DOK6: variants seen among roughly 807,000 people sequenced by gnomAD.
DOK6 encodes the protein downstream of tyrosine kinase 6.
In DOK6, 22 loss-of-function variants were observed where a neutral mutation model predicts 44.0. That is an observed-to-expected ratio of 0.50 (90% CI 0.36 to 0.71). DOK6 has a LOEUF of 0.71. Ranked by LOEUF, DOK6 falls within the 30% of genes least tolerant of loss-of-function variation. The pLI, the probability that DOK6 is intolerant of heterozygous loss-of-function variation, is 0.00. For missense variants in DOK6, 340 were observed against 416.4 expected, an observed-to-expected ratio of 0.82 and a Z score of 1.60; for synonymous variants, 166 against 145.5, an observed-to-expected ratio of 1.14 and a Z score of -1.01.
chr18:69,706,086 C>T (rs527355684), intron 5 of DOK6, among the ~76,000 whole-genome samples: 35 of 152,300 alleles, frequency 2.3e-4, no homozygotes, highest in South Asian at 1.0e-3. Context: ...GTCACACATG[C>T]CTCATCCTTG....
At position 69,466,404 on chromosome 18, in the gene DOK6, C is replaced by T. The variant is rs145145629; in HGVS notation, c.66+65094C>T. Among the ~76,000 whole-genome samples the T allele has an allele frequency of 1.4e-3, 218 of 152,062 alleles. 1 individual carries two copies. The highest frequency in any genetic ancestry group is 5.1e-3 in the African/African-American group (212 of 41,482). The stretch of plus-strand genomic sequence containing the variant: ...ACATCTATACTGCATTTTCATTATC[C>T]GTTCTTTCATCAATGAACACAAAGA... On this transcript the variant is annotated intron_variant, in intron 1 of 7. Coordinates refer to ENST00000382713, the MANE Select transcript of DOK6 (RefSeq NM_152721.6).
At chr18:69,757,274 C>T (rs1323131078) in intron 6 of DOK6, among the ~76,000 whole-genome samples, 1 of 151,984 alleles carries the variant, frequency 6.6e-6, no homozygotes, top group Non-Finnish European at 1.5e-5. Flanking sequence ...AAATGTTTAG[C>T]GATTGAAATG....
chr18:69,445,553 G>A (rs571116364), intron 1 of DOK6, among the ~76,000 whole-genome samples: 1 of 152,114 alleles, frequency 6.6e-6, no homozygotes, highest in East Asian at 1.9e-4. Context: ...TTTAATCGAG[G>A]TCATCATATA....
intron 7 of DOK6, among the ~76,000 whole-genome samples, chr18:69,818,786 C>T (rs937420584): frequency 2.9e-4 from 44 of 152,136 alleles, no homozygotes; most frequent in Admixed American, 2.1e-3. Context: ...ACTGGAGCCA[C>T]GTAGAGATGA....
At chr18:69,518,775 A>G (rs1981604914) in intron 1 of DOK6, among the ~76,000 whole-genome samples, 1 of 152,178 alleles carries the variant, frequency 6.6e-6, no homozygotes. Context: ...TGCTATGTAA[A>G]AGGAACATAT....
chr18:69,611,115 T>C (rs997939475), intron 3 of DOK6, among the ~76,000 whole-genome samples: 6 of 151,886 alleles, frequency 4.0e-5, no homozygotes, highest in Admixed American at 2.0e-4. Flanking sequence ...GAAGATAAAA[T>C]GAGCAAAAGA....
In DOK6 at chr18:69,841,448, C is replaced by A; in HGVS notation, c.*65C>A. On this transcript the variant is annotated 3_prime_UTR_variant, in exon 8 of 8. Coordinates refer to ENST00000382713, the MANE Select transcript of DOK6 (RefSeq NM_152721.6). ...CTGGACCCGTCTGTGGGGTCATTACCCTCTGCCTCCTGGAAGACCAATTGC... is the reference window on the plus strand; with the variant it reads ...CTGGACCCGTCTGTGGGGTCATTACACTCTGCCTCCTGGAAGACCAATTGC... 1 of 1,590,680 alleles carries A rather than the reference C, an allele frequency of 6.3e-7. No homozygotes were observed. Among genetic ancestry groups the A allele is most frequent in the Non-Finnish European group, 8.6e-7 (1 of 1,165,672 alleles).
chr18:69,407,362 T>C (rs1916224616), intron 1 of DOK6, among the ~76,000 whole-genome samples: 1 of 152,210 alleles, frequency 6.6e-6, no homozygotes, highest in African/African-American at 2.4e-5. Context: ...AGTGCTGGTT[T>C]TGAGGAAGAC....
chr18:69,820,902 G>T (rs1441772151), intron 7 of DOK6, among the ~76,000 whole-genome samples: 2 of 152,090 alleles, frequency 1.3e-5, no homozygotes, highest in Non-Finnish European at 2.9e-5. Context: ...GAAGGATAGA[G>T]GGTGGGAGAA....
chr18:69,567,772 G>C (rs866762700), intron 2 of DOK6, among the ~76,000 whole-genome samples: 1 of 152,202 alleles, frequency 6.6e-6, no homozygotes, highest in Non-Finnish European at 1.5e-5. Flanking sequence ...TGAGTGGTTG[G>C]GGGTAGGGAG....
At chr18:69,806,513 C>T (rs1352723702) in intron 7 of DOK6, among the ~76,000 whole-genome samples, 1 of 151,878 alleles carries the variant, frequency 6.6e-6, no homozygotes, top group Admixed American at 6.6e-5. Flanking sequence ...TTATTTCCCT[C>T]AGAACTCATG....
At chr18:69,414,145 T>C (rs1007135986) in intron 1 of DOK6, among the ~76,000 whole-genome samples, 8 of 152,006 alleles carry the variant, frequency 5.3e-5, no homozygotes, top group African/African-American at 1.7e-4. Flanking sequence ...CTGGCGGGAA[T>C]ATAAAATGGT....
In DOK6 at chr18:69,791,543, G is replaced by A. The variant is rs566945015; in HGVS notation, c.856+33670G>A. 5.9e-5 allele frequency among the ~76,000 whole-genome samples: 9 copies of A among 152,184 alleles called. No homozygotes were observed. In the South Asian group the frequency reaches 1.2e-3, roughly 21 times the overall value. The stretch of plus-strand genomic sequence containing the variant: ...CTTTTCATACACCTGTTTGCCATTC[G>A]TATGTCTTCTTTCGAGAAATGTCTA... On this transcript the variant is annotated intron_variant, in intron 7 of 7. Coordinates refer to ENST00000382713, the MANE Select transcript of DOK6 (RefSeq NM_152721.6).
At chr18:69,467,177 G>T (rs1237372204) in intron 1 of DOK6, among the ~76,000 whole-genome samples, 1 of 152,036 alleles carries the variant, frequency 6.6e-6, no homozygotes, top group Non-Finnish European at 1.5e-5. Flanking sequence ...ATAAGATTAA[G>T]AAATGACTGA....
At chr18:69,526,258 C>A (rs1204765875) in intron 1 of DOK6, among the ~76,000 whole-genome samples, 1 of 152,042 alleles carries the variant, frequency 6.6e-6, no homozygotes, top group Non-Finnish European at 1.5e-5. Flanking sequence ...CTCCCCTAAC[C>A]CTAGGCAACC....
chr18:69,741,495 T>C (rs956570391), intron 6 of DOK6, among the ~76,000 whole-genome samples: 7 of 152,102 alleles, frequency 4.6e-5, no homozygotes. Flanking sequence ...ACAAAACTTT[T>C]CTTTGTTGCT....
chr18:69,537,115 C>T (rs1316536809), intron 1 of DOK6, among the ~76,000 whole-genome samples: 2 of 151,872 alleles, frequency 1.3e-5, no homozygotes, highest in Non-Finnish European at 2.9e-5. Context: ...GGATTATAAG[C>T]GTGAGCCACC....
chr18:69,768,383 C>T (rs566521869), intron 7 of DOK6, among the ~76,000 whole-genome samples: 1 of 151,952 alleles, frequency 6.6e-6, no homozygotes, highest in South Asian at 2.1e-4. Flanking sequence ...TATGGCTTCT[C>T]ATATACTTCC....
chr18:69,437,907 G>A lies in DOK6; in HGVS notation c.66+36597G>A, dbSNP rs113441792. Among the ~76,000 whole-genome samples the A allele has an allele frequency of 5.3e-3, 804 of 152,342 alleles. 15 individuals are homozygous for A. Among genetic ancestry groups the A allele is most frequent in the African/African-American group, 0.018 (756 of 41,578 alleles). On this transcript the variant is annotated intron_variant, in intron 1 of 7. Transcript: ENST00000382713. The stretch of plus-strand genomic sequence containing the variant: ...ATAAAAGTCATGTTCACACTCTGCT[G>A]TAGTCTATTAAGTGTCAATATCATT...
Sources: allele counts gnomAD v4.1 joint callset (sites outside exome capture counted in the v4.1 genomes callset), GRCh38; gene constraint gnomAD v4.1.1; transcripts MANE v1.5; gene names NCBI Gene and HGNC (gene_info 2026-07-23, HGNC 2026-07-21).